Variants in ABCB11 observed in about 807,000 individuals in gnomAD.
The protein encoded by ABCB11 is ATP binding cassette subfamily B member 11.
Under a neutral mutation model 148.0 loss-of-function variants are expected in ABCB11, and 95 were observed. That is an observed-to-expected ratio of 0.64 (90% CI 0.54 to 0.76). The LOEUF (loss-of-function observed/expected upper bound fraction) is 0.76, where lower values mean the gene tolerates loss of function less well. Ranked by LOEUF, ABCB11 falls within the 30% of genes least tolerant of loss-of-function variation. ABCB11 has a pLI of 0.00. For missense variants in ABCB11, 1,523 were observed against 1,617.8 expected (o/e 0.94, Z 1.01); for synonymous variants, 591 against 555.4 (o/e 1.06, Z -0.90).
chr2:169,004,991 G>A (rs1228517899), intron 5 of ABCB11, among the ~76,000 whole-genome samples: 1 of 152,148 alleles, frequency 6.6e-6, no homozygotes, highest in Non-Finnish European at 1.5e-5. Flanking sequence ...AAAGAGTCCT[G>A]TGATGTGATC....
rs560362202 is a variant in ABCB11 at position 168,920,944 on chromosome 2, T to C, written c.*2678A>G. ...GTATCTTATTTGAAAATATAATTTGTACTAATTCCTCTTTCAGACTCCATA... is the reference window on the plus strand; with the variant it reads ...GTATCTTATTTGAAAATATAATTTGCACTAATTCCTCTTTCAGACTCCATA... On this transcript the variant is annotated 3_prime_UTR_variant, in exon 28 of 28. Transcript: ENST00000650372. Among the ~76,000 whole-genome samples the C allele has an allele frequency of 3.5e-4, 54 of 152,356 alleles. No individual in the cohort carries two copies. Among genetic ancestry groups the C allele is most frequent in the Non-Finnish European group, 5.6e-4 (38 of 68,030 alleles).
At chr2:168,982,331 A>G (rs1364577514) in intron 10 of ABCB11, among the ~76,000 whole-genome samples, 1 of 152,156 alleles carries the variant, frequency 6.6e-6, no homozygotes, top group African/African-American at 2.4e-5. Context: ...TGGTAGTATA[A>G]TGACACCAAT....
intron 18 of ABCB11, among the ~76,000 whole-genome samples, chr2:168,961,797 T>C (rs1693088762): frequency 6.6e-6 from 1 of 151,692 alleles, no homozygotes; most frequent in Non-Finnish European, 1.5e-5. Context: ...TTCTAAGTTT[T>C]AGAGTCAATA....
intron 19 of ABCB11, among the ~76,000 whole-genome samples, chr2:168,956,712 C>G (rs1320964650): frequency 2.0e-5 from 3 of 151,510 alleles, no homozygotes; most frequent in African/African-American, 7.3e-5. Flanking sequence ...AAAATGATGC[C>G]TGACAGAGGC....
chr2:168,991,074 C>G, intron 8 of ABCB11, 149 bp from the exon 9 acceptor site: 24 of 1,030,084 alleles, frequency 2.3e-5, no homozygotes, highest in Admixed American at 2.8e-5. Flanking sequence ...GAAATCTGGT[C>G]CAAATTTGGT....
chr2:169,028,174 G>A (rs1324195248), intron 1 of ABCB11, among the ~76,000 whole-genome samples: 1 of 151,942 alleles, frequency 6.6e-6, no homozygotes, highest in Non-Finnish European at 1.5e-5. Context: ...GCAGCCTGAG[G>A]CCCAGGAAGA....
At chr2:168,920,264 G>A (rs113499021), downstream of ABCB11, among the ~76,000 whole-genome samples, 7 of 152,166 alleles carry the variant, frequency 4.6e-5, no homozygotes, top group African/African-American at 1.7e-4. Flanking sequence ...TTCATACTGT[G>A]CCCAAATAGG....
chr2:168,928,466 G>GA (rs377697252), intron 25 of ABCB11, among the ~76,000 whole-genome samples: 35 of 150,044 alleles, frequency 2.3e-4, no homozygotes, highest in South Asian at 6.3e-4. Context: ...AGAGGACTTT[G>GA]AAAAAAAAAC....
At chr2:169,014,018 T>C (rs1695277111) in intron 4 of ABCB11, among the ~76,000 whole-genome samples, 1 of 152,182 alleles carries the variant, frequency 6.6e-6, no homozygotes, top group Admixed American at 6.5e-5. Flanking sequence ...TAAATATATA[T>C]ATGTGATTGT....
At chr2:168,992,688 A>G (rs138494670) in intron 8 of ABCB11, among the ~76,000 whole-genome samples, 25 of 152,230 alleles carry the variant, frequency 1.6e-4, no homozygotes, top group Middle Eastern at 3.4e-3. Context: ...TTCAGGGGTT[A>G]AATGGATTTT....
chr2:168,962,129 G>A (rs1474845487), intron 18 of ABCB11, among the ~76,000 whole-genome samples: 1 of 151,428 alleles, frequency 6.6e-6, no homozygotes, highest in Non-Finnish European at 1.5e-5. Context: ...CAAAATTATC[G>A]TACAAACCAG....
intron 10 of ABCB11, among the ~76,000 whole-genome samples, 169 bp from the exon 11 acceptor site, chr2:168,980,148 T>C (rs529928834): frequency 1.5e-4 from 23 of 152,188 alleles, no homozygotes; most frequent in African/African-American, 5.5e-4. Context: ...ATTTTTGTTC[T>C]GTAAAGCATC....
At chr2:168,920,188 A>C (rs1691032982), downstream of ABCB11, among the ~76,000 whole-genome samples, 1 of 152,074 alleles carries the variant, frequency 6.6e-6, no homozygotes, top group African/African-American at 2.4e-5. Context: ...TTCTTTATCG[A>C]TTATATGTCA....
At chr2:168,933,148 A>G (rs1691660998) in intron 23 of ABCB11, among the ~76,000 whole-genome samples, 1 of 152,092 alleles carries the variant, frequency 6.6e-6, no homozygotes, top group Admixed American at 6.5e-5. Context: ...TTGAGGGGGA[A>G]AAAGACTTCT....
downstream of ABCB11, among the ~76,000 whole-genome samples, chr2:168,918,907 C>T (rs979048145): frequency 2.0e-5 from 3 of 152,008 alleles, no homozygotes; most frequent in Non-Finnish European, 4.4e-5. Flanking sequence ...TACTGCATTT[C>T]TATCCCCTTT....
intron 22 of ABCB11, 69 bp downstream of exon 22, chr2:168,936,161 T>C (rs1691813155): frequency 6.2e-6 from 9 of 1,454,794 alleles, no homozygotes; most frequent in Non-Finnish European, 8.5e-6. Flanking sequence ...TTCGTACTAC[T>C]CGTTTTTAAC....
Position 168,924,774 on chromosome 2 carries a change from C to T in ABCB11, c.3648G>A (p.Gly1216=). 6.2e-7 allele frequency: 1 copy of T among 1,609,294 alleles called. No homozygotes were observed. The highest frequency in any genetic ancestry group is 8.5e-7 in the Non-Finnish European group (1 of 1,178,558). ...GTTTCTCCCCTCTAGAGAGTTGAGA[C>T]CCCTGGGACCCAACGTTAGTTTCAT... ...EKYETNVGSQ[G]SQLSRGEKQR... is the part of the protein sequence containing the mutation. The change falls in exon 27 of 28, where the codon GGG becomes GGA. Residue 1216 remains glycine, a synonymous_variant. Coordinates refer to ENST00000650372, the MANE Select transcript of ABCB11 (RefSeq NM_003742.4).
At chr2:169,014,237 T>TTGTGG in intron 4 of ABCB11, 66 bp downstream of exon 4, 2 of 1,440,324 alleles carry the variant, frequency 1.4e-6, no homozygotes, top group Non-Finnish European at 2.0e-6. Flanking sequence ...GATTTAACAC[T>TTGTGG]CCCCTCATGA....
chr2:168,947,301 C>G (rs538731638), intron 19 of ABCB11, among the ~76,000 whole-genome samples: 1 of 151,522 alleles, frequency 6.6e-6, no homozygotes, highest in Non-Finnish European at 1.5e-5. Flanking sequence ...ACAGATAGTA[C>G]AGAGTAGAGA....
Sources: allele counts gnomAD v4.1 joint callset (sites outside exome capture counted in the v4.1 genomes callset), GRCh38; gene constraint gnomAD v4.1.1; transcripts MANE v1.5; gene names NCBI Gene and HGNC (gene_info 2026-07-23, HGNC 2026-07-21).